MAP3K5: variants seen among roughly 807,000 people sequenced by gnomAD.
MAP3K5 encodes ASK-1.
In MAP3K5, 56 loss-of-function variants were observed where a neutral mutation model predicts 158.7. The observed-to-expected ratio is 0.35, with a 90% CI of 0.28 to 0.44. The LOEUF is 0.44. Among genes scored for constraint, MAP3K5 ranks in the 20% least tolerant of loss-of-function variants. The pLI, the probability that MAP3K5 is intolerant of heterozygous loss-of-function variation, is 1.00. For synonymous variants in MAP3K5, 579 were observed against 601.7 expected, an observed-to-expected ratio of 0.96 and a Z score of 0.55; for missense variants, 1,294 against 1,674.8, an observed-to-expected ratio of 0.77 and a Z score of 3.97.
At chr6:136,574,640 T>A (rs1389292024) in intron 25 of MAP3K5, among the ~76,000 whole-genome samples, 2 of 151,992 alleles carry the variant, frequency 1.3e-5, no homozygotes, top group Non-Finnish European at 2.9e-5. Context: ...ACTTGTACTG[T>A]ACTCTCTGTT....
chr6:136,639,373 C>T (rs555236369), intron 13 of MAP3K5, among the ~76,000 whole-genome samples, 170 bp downstream of exon 13: 71 of 151,944 alleles, frequency 4.7e-4, no homozygotes, highest in Non-Finnish European at 9.6e-4. Context: ...AGAAAACCCC[C>T]CCCCAAAATC....
chr6:136,679,677 G>A (rs879561498), intron 7 of MAP3K5, among the ~76,000 whole-genome samples: 9 of 151,942 alleles, frequency 5.9e-5, no homozygotes, highest in Non-Finnish European at 1.2e-4. Context: ...CTTTTACCAC[G>A]CACATATTTT....
intron 2 of MAP3K5, 22 bp from the exon 3 acceptor site, chr6:136,705,155 A>T (rs1781018432): frequency 8.9e-7 from 1 of 1,123,976 alleles, no homozygotes; most frequent in Non-Finnish European, 1.3e-6. Context: ...GAAAAAAAAT[A>T]TACCACAAGT....
intron 2 of MAP3K5, among the ~76,000 whole-genome samples, chr6:136,711,355 T>C (rs6928243): frequency 0.52 from 79,323 of 151,952 alleles, 20,973 homozygotes; most frequent in African/African-American, 0.58. Flanking sequence ...ACGCGTCTCA[T>C]TTCTCTTCTG....
At chr6:136,679,609 T>C (rs949184690) in intron 7 of MAP3K5, among the ~76,000 whole-genome samples, 8 of 152,196 alleles carry the variant, frequency 5.3e-5, no homozygotes, top group African/African-American at 1.9e-4. Context: ...CTTGTTATAA[T>C]AGAAAACTCA....
At chr6:136,657,082 AT>A (rs1778785864) in intron 9 of MAP3K5, among the ~76,000 whole-genome samples, 1 of 152,218 alleles carries the variant, frequency 6.6e-6, no homozygotes, top group Non-Finnish European at 1.5e-5. Flanking sequence ...TGTATATTCT[AT>A]TCAAGGAAGC....
At chr6:136,708,906 T>C (rs1211653316) in intron 2 of MAP3K5, among the ~76,000 whole-genome samples, 1 of 152,130 alleles carries the variant, frequency 6.6e-6, no homozygotes, top group Non-Finnish European at 1.5e-5. Context: ...TATCCTTCTC[T>C]CTTCCCCTCT....
intron 24 of MAP3K5, among the ~76,000 whole-genome samples, chr6:136,581,016 T>G (rs2129075284): frequency 6.6e-6 from 1 of 152,264 alleles, no homozygotes; most frequent in South Asian, 2.1e-4. Context: ...TCAGTGGCAT[T>G]AAGTACATTC....
intron 11 of MAP3K5, among the ~76,000 whole-genome samples, chr6:136,649,581 T>C (rs1778427323): frequency 6.6e-6 from 1 of 152,196 alleles, no homozygotes; most frequent in African/African-American, 2.4e-5. Flanking sequence ...ATAATTCTGA[T>C]GCAGAGCCAG....
intron 23 of MAP3K5, among the ~76,000 whole-genome samples, chr6:136,588,803 C>T (rs888235564): frequency 6.6e-6 from 1 of 152,162 alleles, no homozygotes; most frequent in Non-Finnish European, 1.5e-5. Flanking sequence ...CTCCAGTCTC[C>T]ACCGCCACGA....
chr6:136,630,301 T>C (rs1473757812), intron 14 of MAP3K5: 2 of 151,342 alleles, frequency 1.3e-5, no homozygotes, highest in Non-Finnish European at 2.9e-5. Flanking sequence ...CTAAGCAGAG[T>C]TGGGCCCGAT....
At chr6:136,704,538 AT>A (rs1031402027) in intron 3 of MAP3K5, among the ~76,000 whole-genome samples, 22 of 151,884 alleles carry the variant, frequency 1.4e-4, no homozygotes, top group Non-Finnish European at 2.7e-4. Flanking sequence ...ACTATAAAAG[AT>A]TTTCTTTTTA....
At position 136,684,263 on chromosome 6, in the gene MAP3K5, A is replaced by G. The variant is rs955748831; in HGVS notation, c.1253+9877T>C. On this transcript the variant is annotated intron_variant, in intron 7 of 29. Coordinates refer to ENST00000359015, the MANE Select transcript of MAP3K5 (RefSeq NM_005923.4). The stretch of plus-strand genomic sequence containing the variant: ...AGGAAGAAAAATGTCAGCCTTGCCT[A>G]CTTCACAAGGTTCCTGTAAGCCTCC... 9.2e-5 allele frequency among the ~76,000 whole-genome samples: 14 copies of G among 152,066 alleles called. No homozygotes were observed. In the East Asian group the frequency reaches 2.3e-3, roughly 25 times the overall value.
At chr6:136,558,932 CA>C in intron 28 of MAP3K5, 56 bp from the exon 29 acceptor site, 1 of 865,462 alleles carries the variant, frequency 1.2e-6, no homozygotes, top group South Asian at 1.4e-5. Flanking sequence ...TAATAAAGCA[CA>C]AACTCTATTC....
At chr6:136,656,841 C>T (rs1029261764) in intron 9 of MAP3K5, among the ~76,000 whole-genome samples, 7 of 152,160 alleles carry the variant, frequency 4.6e-5, no homozygotes, top group African/African-American at 1.4e-4. Flanking sequence ...AGGCTGGTCT[C>T]GAACTCCTGA....
intron 2 of MAP3K5, among the ~76,000 whole-genome samples, chr6:136,714,928 T>C (rs1017419145): frequency 7.2e-5 from 11 of 152,182 alleles, no homozygotes; most frequent in Non-Finnish European, 1.3e-4. Context: ...GCATCACATA[T>C]GTGTGTTCTG....
intron 1 of MAP3K5, among the ~76,000 whole-genome samples, chr6:136,726,140 C>T (rs1781954294): frequency 6.6e-6 from 1 of 152,166 alleles, no homozygotes; most frequent in Non-Finnish European, 1.5e-5. Flanking sequence ...TTTGTTTTGG[C>T]TGTTTTAGTT....
Position 136,792,138 on chromosome 6 carries a change from T to C in MAP3K5, c.20A>G (p.Glu7Gly). The stretch of plus-strand genomic sequence containing the variant: ...GGGTGGCACAGAGAAAGTGATGCCC[T>C]CGTCCGCCTCCGTGCTCATCTCTCC... MSTEADEGITFSVPPFA... is the reference protein window; with the variant it reads MSTEADGGITFSVPPFA... Residue 7 changes from glutamate to glycine, a missense_variant, in exon 1 of 30, where the codon GAG becomes GGG. By Grantham distance (98) the Glu-to-Gly change is moderately conservative. Around this residue, in one of 5 missense-constraint regions of MAP3K5, gnomAD observed 690 missense variants for 870.5 expected, o/e 0.79. Coordinates refer to ENST00000359015, the MANE Select transcript of MAP3K5 (RefSeq NM_005923.4). The surrounding 1 kb of genome is among the most constrained non-coding windows in gnomAD (Gnocchi z 5.7). The C allele has an allele frequency of 1.3e-6, 2 of 1,573,976 alleles. No individual in the cohort carries two copies. Among genetic ancestry groups the C allele is most frequent in the Non-Finnish European group, 1.7e-6 (2 of 1,162,528 alleles).
rs1285654884 is a variant in MAP3K5 at position 136,561,536 on chromosome 6, G to C, written c.3984C>G (p.Ser1328Arg). The change falls in exon 28 of 30, where the codon AGC becomes AGG. Residue 1328 changes from serine (S) to arginine (R), a missense_variant. Transcript: ENST00000359015. Reference protein sequence around the residue: ...RVNGADEDTISRFLAEDYTLL... With the variant: ...RVNGADEDTIRRFLAEDYTLL... ...TCCCACAGACAGTTTTCTTTACCCG[G>C]CTTATAGTGTCTTCATCAGCTCCAT... 1 of 1,606,828 alleles carries C rather than the reference G, an allele frequency of 6.2e-7. No homozygotes were observed. The highest frequency in any genetic ancestry group is 8.5e-7 in the Non-Finnish European group (1 of 1,173,422).
Sources: gnomAD v4.1 joint callset for allele counts (sites outside exome capture counted in the v4.1 genomes callset) on GRCh38, gnomAD v4.1.1 for gene constraint, gnomAD v4.1.1 regional missense constraint, Gnocchi (gnomAD v3.1) non-coding constraint, MANE v1.5 for transcripts, NCBI Gene and HGNC (gene_info 2026-07-23, HGNC 2026-07-21) for gene names.